The following VPS13B variants were observed in gnomAD, a reference collection of about 807,000 sequenced individuals.
VPS13B encodes intermembrane lipid transfer protein VPS13B.
VPS13B carries 285 observed loss-of-function variants against 426.4 expected under a neutral mutation model. The observed-to-expected ratio is 0.67, with a 90% CI of 0.61 to 0.74. The LOEUF is 0.74. Among genes scored for constraint, VPS13B ranks in the 30% least tolerant of loss-of-function variants. The pLI is 0.00. For missense variants in VPS13B, 4,537 were observed against 4,782.6 expected, an observed-to-expected ratio of 0.95 and a Z score of 1.51; for synonymous variants, 1,676 against 1,676.4, an observed-to-expected ratio of 1.00 and a Z score of 0.01.
intron 3 of VPS13B, among the ~76,000 whole-genome samples, chr8:99,082,449 A>C (rs1446721792): frequency 6.6e-6 from 1 of 152,170 alleles, no homozygotes; most frequent in Non-Finnish European, 1.5e-5. Flanking sequence ...TTTGCTGTGC[A>C]GAAGCTCTTT....
chr8:99,604,635 G>A (rs953563916), intron 33 of VPS13B, among the ~76,000 whole-genome samples: 5 of 151,836 alleles, frequency 3.3e-5, no homozygotes, highest in Admixed American at 1.3e-4. Context: ...GAGTAGCTGG[G>A]ACTACAGGCG....
chr8:99,637,270 G>T (rs1312680804), intron 33 of VPS13B, among the ~76,000 whole-genome samples: 1 of 151,896 alleles, frequency 6.6e-6, no homozygotes, highest in African/African-American at 2.4e-5. Context: ...AATCTGCAGT[G>T]GACTGGTGAC....
intron 23 of VPS13B, among the ~76,000 whole-genome samples, chr8:99,462,060 G>A (rs148612938): frequency 5.3e-5 from 8 of 151,898 alleles, no homozygotes; most frequent in Admixed American, 3.3e-4. Flanking sequence ...AGACCCAGCC[G>A]TTTTTACTCA....
intron 3 of VPS13B, among the ~76,000 whole-genome samples, chr8:99,073,967 C>A (rs1844976460): frequency 6.6e-6 from 1 of 151,826 alleles, no homozygotes; most frequent in Non-Finnish European, 1.5e-5. Context: ...GATAGAGTCT[C>A]CCTATATTGC....
chr8:99,560,187 C>T (rs1224814188), intron 31 of VPS13B, among the ~76,000 whole-genome samples: 1 of 152,110 alleles, frequency 6.6e-6, no homozygotes, highest in Non-Finnish European at 1.5e-5. Context: ...TGGGAGTTCA[C>T]TCATGATTTG....
intron 33 of VPS13B, among the ~76,000 whole-genome samples, chr8:99,640,903 G>C (rs1829332584): frequency 6.6e-6 from 1 of 151,952 alleles, no homozygotes; most frequent in South Asian, 2.1e-4. Context: ...GGGTGGGGTA[G>C]TTTTTTTTAC....
At chr8:99,412,135 T>C (rs1815704880) in intron 21 of VPS13B, among the ~76,000 whole-genome samples, 1 of 152,376 alleles carries the variant, frequency 6.6e-6, no homozygotes, top group African/African-American at 2.4e-5. Context: ...ATAAATTACT[T>C]TGGGCAGTTG....
At chr8:99,476,552 G>A (rs1819700405) in intron 24 of VPS13B, among the ~76,000 whole-genome samples, 1 of 151,722 alleles carries the variant, frequency 6.6e-6, no homozygotes, top group Non-Finnish European at 1.5e-5. Flanking sequence ...CACAAGTAAA[G>A]AACAAATATT....
At chr8:99,219,917 A>G (rs528792860) in intron 17 of VPS13B, among the ~76,000 whole-genome samples, 3 of 152,286 alleles carry the variant, frequency 2.0e-5, no homozygotes, top group Admixed American at 1.3e-4. Context: ...TGCTGTTTTC[A>G]TTTGACCAGG....
chr8:99,858,889 G>A (rs13271488), intron 56 of VPS13B, among the ~76,000 whole-genome samples: 34,611 of 151,974 alleles, frequency 0.23, 5,085 homozygotes, highest in African/African-American at 0.41. Flanking sequence ...GCCGCCCCTG[G>A]CCAGGCATCT....
At chr8:99,489,404 A>G (rs1820478123) in intron 25 of VPS13B, among the ~76,000 whole-genome samples, 1 of 151,104 alleles carries the variant, frequency 6.6e-6, no homozygotes, top group Non-Finnish European at 1.5e-5. Context: ...TTGGTTCCAT[A>G]TGAACTTTAA....
intron 21 of VPS13B, among the ~76,000 whole-genome samples, chr8:99,417,544 A>G (rs760880224): frequency 2.4e-4 from 36 of 152,040 alleles, no homozygotes; most frequent in African/African-American, 8.5e-4. Flanking sequence ...CCCCTGTTCA[A>G]ATTTTTTGTT....
intron 56 of VPS13B, among the ~76,000 whole-genome samples, chr8:99,857,361 C>A (rs1816602180): frequency 6.6e-6 from 1 of 152,172 alleles, no homozygotes; most frequent in African/African-American, 2.4e-5. Flanking sequence ...TACATGGACT[C>A]CGTGGAGAGA....
intron 2 of VPS13B, among the ~76,000 whole-genome samples, chr8:99,030,461 AGT>A (rs34944940): frequency 0.045 from 6,459 of 144,682 alleles, 190 homozygotes; most frequent in Middle Eastern, 0.087. Context: ...TGAGTGAGTG[AGT>A]GTGTGTGTGT....
At chr8:99,839,252 G>A (rs555554706) in intron 54 of VPS13B, among the ~76,000 whole-genome samples, 13 of 152,222 alleles carry the variant, frequency 8.5e-5, no homozygotes, top group East Asian at 5.8e-4. Context: ...CTGTTTCTTC[G>A]CAAATGGATT....
In VPS13B at chr8:99,467,624, C is replaced by G. The variant is rs149478021; in HGVS notation, c.3656C>G (p.Ser1219Cys). 1.2e-4 allele frequency: 194 copies of G among 1,609,248 alleles called. 2 individuals carry two copies. In the African/African-American group the frequency reaches 2.2e-3, roughly 18 times the overall value. ...VDLESLEIKCSNPQVQLFYEL... is the reference protein window; with the variant it reads ...VDLESLEIKCCNPQVQLFYEL... ...CTAGAGTCACTAGAGATAAAATGCTCTAATCCCCAGGTTGGTACATTTGAT... is the reference window on the plus strand; with the variant it reads ...CTAGAGTCACTAGAGATAAAATGCTGTAATCCCCAGGTTGGTACATTTGAT... The change falls in exon 24 of 62, where the codon TCT becomes TGT. Residue 1219 changes from serine to cysteine, a missense_variant. Physicochemically the swap from Ser to Cys is moderately radical, Grantham distance 112. Coordinates refer to ENST00000357162, the MANE Select transcript of VPS13B (RefSeq NM_152564.5).
intron 31 of VPS13B, among the ~76,000 whole-genome samples, chr8:99,568,322 G>A (rs191819638): frequency 6.1e-5 from 9 of 147,074 alleles, no homozygotes; most frequent in Admixed American, 5.1e-4. Flanking sequence ...ACGGAGTCTT[G>A]CTCTGTCACC....
intron 19 of VPS13B, chr8:99,346,948 C>T (rs1811573534): frequency 6.5e-6 from 1 of 152,688 alleles, no homozygotes; most frequent in Admixed American, 6.5e-5. Flanking sequence ...TTATTGTGGC[C>T]TGTCAAGTTC....
chr8:99,661,547 A>G (rs1044206209), intron 35 of VPS13B, 56 bp downstream of exon 35: 34 of 1,582,968 alleles, frequency 2.1e-5, no homozygotes, highest in Middle Eastern at 3.3e-4. Context: ...ATATATTAGC[A>G]TGTATATAGG....
Sources: gnomAD v4.1 joint callset for allele counts (sites outside exome capture counted in the v4.1 genomes callset) on GRCh38, gnomAD v4.1.1 for gene constraint, MANE v1.5 for transcripts, NCBI Gene and HGNC (gene_info 2026-07-23, HGNC 2026-07-21) for gene names.